The following PPP2R5E variants were observed in gnomAD, a reference collection of about 807,000 sequenced individuals.
PPP2R5E encodes the protein serine/threonine-protein phosphatase 2A 56 kDa regulatory subunit epsilon isoform.
PPP2R5E carries 4 observed loss-of-function variants against 65.3 expected under a neutral mutation model. The ratio of observed to expected loss-of-function variants is 0.06; its 90% confidence interval spans 0.03 to 0.14. The LOEUF (loss-of-function observed/expected upper bound fraction) is 0.14, where lower values mean the gene tolerates loss of function less well. Ranked by LOEUF, PPP2R5E falls within the 10% of genes least tolerant of loss-of-function variation. The pLI is 1.00. For missense variants in PPP2R5E, 274 were observed against 556.1 expected, an observed-to-expected ratio of 0.49 and a Z score of 5.10; for synonymous variants, 183 against 187.4, an observed-to-expected ratio of 0.98 and a Z score of 0.19.
In PPP2R5E at chr14:63,373,822, T is replaced by C. The variant is rs1253595150; in HGVS notation, c.*2187A>G. 1.3e-5 allele frequency: 2 copies of C among 152,176 alleles called. No individual in the cohort carries two copies. Among genetic ancestry groups the C allele is most frequent in the Admixed American group, 6.5e-5 (1 of 15,280 alleles). 9.4% of individuals were successfully genotyped at this position (152,176 alleles called of 1,614,324 possible). ...GATGAATTAATGGCAAACAAAAGTTTACACTATATAAACTAAATATAATGC... is the reference window on the plus strand; with the variant it reads ...GATGAATTAATGGCAAACAAAAGTTCACACTATATAAACTAAATATAATGC... On this transcript the variant is annotated 3_prime_UTR_variant, in exon 14 of 14. Transcript: ENST00000337537.
At chr14:63,382,952 CCAA>C (rs1202744330) in intron 12 of PPP2R5E, among the ~76,000 whole-genome samples, 1 of 151,992 alleles carries the variant, frequency 6.6e-6, no homozygotes, top group Non-Finnish European at 1.5e-5. Context: ...TTATTCTTAT[CCAA>C]AGAAATGAAA....
In PPP2R5E at chr14:63,461,237, T is replaced by C. The variant is rs570414153; in HGVS notation, c.158-7352A>G. 3.9e-5 allele frequency among the ~76,000 whole-genome samples: 6 copies of C among 152,262 alleles called. 1 individual carries two copies. Among genetic ancestry groups the C allele is most frequent in the African/African-American group, 1.4e-4 (6 of 41,552 alleles). On this transcript the variant is annotated intron_variant, in intron 2 of 13. Coordinates refer to ENST00000337537, the MANE Select transcript of PPP2R5E (RefSeq NM_006246.5). Reference sequence around the variant, plus strand: ...TTGAATATGAGGAATTCCTAGAGCTTGACAGGCTATACTAAAAAAGAGCTG... The same window carrying C: ...TTGAATATGAGGAATTCCTAGAGCTCGACAGGCTATACTAAAAAAGAGCTG...
At position 63,425,512 on chromosome 14, in the gene PPP2R5E, A is replaced by G. The variant is rs997042894; in HGVS notation, c.355-3418T>C. Among the ~76,000 whole-genome samples the G allele has an allele frequency of 4.6e-5, 7 of 152,094 alleles. No homozygotes were observed. The South Asian group carries it at 1.2e-3, about 27-fold the overall frequency. ...ATGAAAGTAAACCATGAAAGGGGGGAAAAGGGGGCTTCTCTATAGTAAAAA... is the reference window on the plus strand; with the variant it reads ...ATGAAAGTAAACCATGAAAGGGGGGGAAAGGGGGCTTCTCTATAGTAAAAA... On this transcript the variant is annotated intron_variant, in intron 3 of 13. Coordinates refer to ENST00000337537, the MANE Select transcript of PPP2R5E (RefSeq NM_006246.5).
intron 7 of PPP2R5E, 92 bp downstream of exon 7, chr14:63,395,134 A>G: frequency 9.6e-7 from 1 of 1,042,136 alleles, no homozygotes; most frequent in East Asian, 2.4e-5. Flanking sequence ...ACATACAGCA[A>G]GAGAACTAGG....
intron 2 of PPP2R5E, among the ~76,000 whole-genome samples, chr14:63,491,002 A>G (rs1891259542): frequency 1.3e-5 from 2 of 151,784 alleles, no homozygotes; most frequent in Admixed American, 1.3e-4. Context: ...AGTGGACTGG[A>G]TAAAAAAAAA....
chr14:63,398,791 GA>G (rs1885559503), intron 5 of PPP2R5E, among the ~76,000 whole-genome samples: 1 of 151,718 alleles, frequency 6.6e-6, no homozygotes, highest in Non-Finnish European at 1.5e-5. Flanking sequence ...CTCCATCTCA[GA>G]AAAAAAGAAA....
chr14:63,388,544 C>T (rs2139769733), intron 11 of PPP2R5E, among the ~76,000 whole-genome samples: 1 of 152,324 alleles, frequency 6.6e-6, no homozygotes, highest in Admixed American at 6.5e-5. Context: ...TGTGTGAGCA[C>T]TAAAGGCCCT....
chr14:63,414,105 C>T (rs1400601942), intron 5 of PPP2R5E, among the ~76,000 whole-genome samples: 1 of 152,116 alleles, frequency 6.6e-6, no homozygotes, highest in African/African-American at 2.4e-5. Flanking sequence ...TTGGATTGAA[C>T]CCTATGAAAC....
chr14:63,415,059 CTT>C, intron 5 of PPP2R5E, 79 bp downstream of exon 5: 2 of 1,030,598 alleles, frequency 1.9e-6, no homozygotes, highest in Non-Finnish European at 1.4e-6. Flanking sequence ...CATTGCAAAA[CTT>C]TTTTAACAAA....
At chr14:63,422,781 T>G (rs1469582375) in intron 3 of PPP2R5E, among the ~76,000 whole-genome samples, 1 of 150,770 alleles carries the variant, frequency 6.6e-6, no homozygotes, top group African/African-American at 2.4e-5. Context: ...CTTCATGTGC[T>G]TCCCTTATCA....
chr14:63,386,226 C>T (rs559674926), intron 11 of PPP2R5E, among the ~76,000 whole-genome samples: 404 of 152,294 alleles, frequency 2.7e-3, no homozygotes, highest in Non-Finnish European at 4.5e-3. Flanking sequence ...AGGCACCAGA[C>T]CCTGAGAGTA....
chr14:63,416,120 G>C (rs562240814), intron 4 of PPP2R5E, among the ~76,000 whole-genome samples: 3 of 152,192 alleles, frequency 2.0e-5, no homozygotes, highest in African/African-American at 4.8e-5. Flanking sequence ...CTATGTCAAA[G>C]GCTACATCAG....
chr14:63,422,517 G>A (rs1887083630), intron 3 of PPP2R5E, among the ~76,000 whole-genome samples: 1 of 152,092 alleles, frequency 6.6e-6, no homozygotes, highest in Admixed American at 6.5e-5. Context: ...ACGAGGTCAG[G>A]AGATCGAGAC....
At chr14:63,507,306 C>T (rs1481678486) in intron 2 of PPP2R5E, among the ~76,000 whole-genome samples, 3 of 152,098 alleles carry the variant, frequency 2.0e-5, no homozygotes, top group African/African-American at 7.2e-5. Flanking sequence ...GTACAAGGCC[C>T]CTTCTAAAGA....
At chr14:63,450,774 CAA>C (rs111969964) in intron 3 of PPP2R5E, among the ~76,000 whole-genome samples, 20 of 88,536 alleles carry the variant, frequency 2.3e-4, no homozygotes, top group Admixed American at 2.4e-4. Flanking sequence ...TGTGAAAAGA[CAA>C]AAAAAAAAAA....
At chr14:63,444,119 T>C (rs919802382) in intron 3 of PPP2R5E, among the ~76,000 whole-genome samples, 2 of 152,142 alleles carry the variant, frequency 1.3e-5, no homozygotes, top group African/African-American at 4.8e-5. Flanking sequence ...CTGGCCCACA[T>C]CCACATCTTC....
At chr14:63,395,093 C>G in intron 7 of PPP2R5E, 133 bp downstream of exon 7, 1 of 682,946 alleles carries the variant, frequency 1.5e-6, no homozygotes, top group Admixed American at 2.6e-5. Flanking sequence ...GGAAAATATG[C>G]TAATAGGCAC....
Position 63,484,102 on chromosome 14 carries a change from G to A in PPP2R5E, c.158-30217C>T, listed in dbSNP as rs1890854114. On this transcript the variant is annotated intron_variant, in intron 2 of 13. Transcript: ENST00000337537. Reference sequence around the variant, plus strand: ...CACCAAAAAAAAAAAAACTCCCAAGGAGTTAGAAGCAGAAAGATAAAGGGC... The same window carrying A: ...CACCAAAAAAAAAAAAACTCCCAAGAAGTTAGAAGCAGAAAGATAAAGGGC... Among the ~76,000 whole-genome samples the A allele has an allele frequency of 5.9e-5, 9 of 151,384 alleles. 1 individual carries two copies. In the South Asian group the frequency reaches 1.9e-3, roughly 32 times the overall value.
chr14:63,393,067 G>A (rs1440703151), intron 8 of PPP2R5E, among the ~76,000 whole-genome samples: 1 of 152,202 alleles, frequency 6.6e-6, no homozygotes, highest in Non-Finnish European at 1.5e-5. Flanking sequence ...TGTGTAGAAA[G>A]TGATAAAGAC....
Sources: allele counts gnomAD v4.1 joint callset (sites outside exome capture counted in the v4.1 genomes callset), GRCh38; gene constraint gnomAD v4.1.1; transcripts MANE v1.5; gene names NCBI Gene and HGNC (gene_info 2026-07-23, HGNC 2026-07-21).